Variants in DERA observed in about 807,000 individuals in gnomAD.
DERA encodes the protein deoxyribose-phosphate aldolase, also known as 2-deoxy-D-ribose 5-phosphate aldolase.
A neutral mutation model predicts 41.1 loss-of-function variants in DERA; 15 were observed. The ratio of observed to expected loss-of-function variants is 0.37; its 90% CI spans 0.24 to 0.56. The LOEUF (loss-of-function observed/expected upper bound fraction) is 0.56. Ranked by LOEUF, DERA falls within the 20% of genes least tolerant of loss-of-function variation. The probability of loss-of-function intolerance (pLI) is 0.81; values close to 1 mark genes in which losing one functional copy is unlikely to be tolerated. For synonymous variants in DERA, 139 were observed against 137.4 expected, an observed-to-expected ratio of 1.01 and a Z score of -0.08; for missense variants, 396 against 403.4, an observed-to-expected ratio of 0.98 and a Z score of 0.16.
At chr12:15,948,101 G>A (rs574152276) in intron 1 of DERA, among the ~76,000 whole-genome samples, 1 of 152,250 alleles carries the variant, frequency 6.6e-6, no homozygotes, top group East Asian at 1.9e-4. Flanking sequence ...TCCCTTTATG[G>A]GTAACCCAAC....
intron 6 of DERA, among the ~76,000 whole-genome samples, chr12:16,023,738 A>C (rs1354403096): frequency 1.3e-5 from 2 of 152,172 alleles, no homozygotes; most frequent in East Asian, 3.9e-4. Context: ...CGGCCTCCCA[A>C]AGTGCTGGGA....
chr12:15,919,325 C>T (rs1202262379), intron 1 of DERA, among the ~76,000 whole-genome samples: 3 of 151,814 alleles, frequency 2.0e-5, no homozygotes, highest in South Asian at 4.2e-4. Context: ...AGAAAAACTT[C>T]AAGCACTTAT....
At position 15,981,143 on chromosome 12, in the gene DERA, T is replaced by C. The variant is rs1948730075; in HGVS notation, c.509-1165T>C. ...GCAGGCGGATTACCAGATCAGGAGA[T>C]CGAGACCATCCTGGTTAACACGGTG... is the stretch of plus-strand genomic sequence containing the variant. On this transcript the variant is annotated intron_variant, in intron 5 of 8. Transcript: ENST00000428559. This position sits in a 1 kb window ranked among gnomAD's most constrained non-coding sequence, Gnocchi z 6.1. Among the ~76,000 whole-genome samples, 1 of 152,058 alleles carries C rather than the reference T, an allele frequency of 6.6e-6. No individual in the cohort carries two copies. Among genetic ancestry groups the C allele is most frequent in the African/African-American group, 2.4e-5 (1 of 41,406 alleles).
At position 16,036,320 on chromosome 12, in the gene DERA, G is replaced by A; in HGVS notation, c.839G>A (p.Trp280Ter). Reference protein sequence around the residue: ...SLVKEELGDEWLKPELFRIGA... With the variant: ...SLVKEELGDE ...GTAAAGGAGGAGCTTGGAGATGAGT[G>A]GCTGAAGCCAGAACTCTTTCGAATA... Residue 280 changes from tryptophan to a stop codon, truncating the protein, a stop_gained, in exon 8 of 9, where the codon TGG becomes TAG. Coordinates refer to ENST00000428559, the MANE Select transcript of DERA (RefSeq NM_015954.4). LOFTEE classifies it high-confidence loss of function. This position sits in a 1 kb window ranked among gnomAD's most constrained non-coding sequence, Gnocchi z 4.9. 1 of 1,612,876 alleles carries A rather than the reference G, an allele frequency of 6.2e-7. No individual in the cohort carries two copies. Among genetic ancestry groups the A allele is most frequent in the South Asian group, 1.1e-5 (1 of 90,950 alleles).
chr12:15,961,846 C>T (rs1459315258), intron 4 of DERA, among the ~76,000 whole-genome samples: 1 of 152,170 alleles, frequency 6.6e-6, no homozygotes, highest in African/African-American at 2.4e-5. Flanking sequence ...TGAGTTCAAG[C>T]AGTTCTCCTG....
In DERA at chr12:15,924,784, C is replaced by G. The variant is rs1948270028; in HGVS notation, c.31+13370C>G. 6.6e-6 allele frequency among the ~76,000 whole-genome samples: 1 copy of G among 152,178 alleles called. No individual in the cohort carries two copies. The highest frequency in any genetic ancestry group is 1.5e-5 in the Non-Finnish European group (1 of 68,036). On this transcript the variant is annotated intron_variant, in intron 1 of 8. Coordinates refer to ENST00000428559, the MANE Select transcript of DERA (RefSeq NM_015954.4). This position sits in a 1 kb window ranked among gnomAD's most constrained non-coding sequence, Gnocchi z 5.0. ...CCTCCTCCCTGAAGGCTTACTTGGT[C>G]TCCTCTGCTAGACTTTTCAACACTG...
In DERA at chr12:16,001,815, C is replaced by T. The variant is rs973688256; in HGVS notation, c.637+19379C>T. ...AGTCAGAAGTGGCAGGCACACTAGA[C>T]GAAGCAGCATTTTGCTGGAGACTTT... On this transcript the variant is annotated intron_variant, in intron 6 of 8. Transcript: ENST00000428559. This position sits in a 1 kb window ranked among gnomAD's most constrained non-coding sequence, Gnocchi z 4.1. 2.6e-5 allele frequency among the ~76,000 whole-genome samples: 4 copies of T among 152,112 alleles called. No homozygotes were observed. Among genetic ancestry groups the T allele is most frequent in the African/African-American group, 7.2e-5 (3 of 41,406 alleles).
chr12:15,980,630 T>C (rs1948726459), intron 5 of DERA, among the ~76,000 whole-genome samples: 1 of 152,124 alleles, frequency 6.6e-6, no homozygotes, highest in Non-Finnish European at 1.5e-5. Flanking sequence ...TTCTCCCAGG[T>C]TAGGTAGATG....
Position 15,965,853 on chromosome 12 carries a change from T to C in DERA, c.508+2906T>C, listed in dbSNP as rs142454694. ...CTTCCTTTGCTCCTTCCTCCTAAAT[T>C]CCTTCCCTCGACTGTGCTGTGGCTC... On this transcript the variant is annotated intron_variant, in intron 5 of 8. Transcript: ENST00000428559. The surrounding 1 kb of genome is among the most constrained non-coding windows in gnomAD (Gnocchi z 4.1). 1.1e-4 allele frequency among the ~76,000 whole-genome samples: 17 copies of C among 152,172 alleles called. No individual in the cohort carries two copies. The highest frequency in any genetic ancestry group is 5.8e-4 in the East Asian group (3 of 5,176).
In DERA at chr12:15,982,065, A is replaced by G. The variant is rs147608494; in HGVS notation, c.509-243A>G. On this transcript the variant is annotated intron_variant, in intron 5 of 8. Transcript: ENST00000428559. This position sits in a 1 kb window ranked among gnomAD's most constrained non-coding sequence, Gnocchi z 4.0. The stretch of plus-strand genomic sequence containing the variant: ...GTCATTATGATATTTAAAAAGCTCT[A>G]TGTCTCTGGACCTCAGGCCAGGGCT... 2.6e-3 allele frequency among the ~76,000 whole-genome samples: 399 copies of G among 152,316 alleles called. 4 individuals carry two copies. The highest frequency in any genetic ancestry group is 9.2e-3 in the African/African-American group (382 of 41,572).
intron 1 of DERA, among the ~76,000 whole-genome samples, chr12:15,912,393 A>C (rs573742284): frequency 6.6e-5 from 10 of 152,324 alleles, no homozygotes; most frequent in African/African-American, 2.4e-4. Flanking sequence ...AGATTTCTTA[A>C]CATGTGAAAA....
rs1238004457 is a variant in DERA at position 15,913,204 on chromosome 12, GAA to G, written c.31+1793_31+1794del. Among the ~76,000 whole-genome samples, 1 of 152,114 alleles carries G rather than the reference GAA, an allele frequency of 6.6e-6. No individual in the cohort carries two copies. Among genetic ancestry groups the G allele is most frequent in the Non-Finnish European group, 1.5e-5 (1 of 68,004 alleles). On this transcript the variant is annotated intron_variant, in intron 1 of 8. Coordinates refer to ENST00000428559, the MANE Select transcript of DERA (RefSeq NM_015954.4). This position sits in a 1 kb window ranked among gnomAD's most constrained non-coding sequence, Gnocchi z 4.5. The stretch of plus-strand genomic sequence containing the variant: ...AATCAATCACTTCCATTCATTTGTT[GAA>G]AAGTAATAGACATAAATAATTGCCA...
intron 5 of DERA, among the ~76,000 whole-genome samples, chr12:15,977,216 G>C (rs1403091277): frequency 1.3e-5 from 2 of 152,068 alleles, no homozygotes; most frequent in Non-Finnish European, 2.9e-5. Flanking sequence ...ATCCTTCTAC[G>C]TTCTGAGTTT....
At chr12:15,946,674 C>T (rs1324357011) in intron 1 of DERA, among the ~76,000 whole-genome samples, 1 of 151,962 alleles carries the variant, frequency 6.6e-6, no homozygotes, top group Non-Finnish European at 1.5e-5. Context: ...TTCAAAAAAC[C>T]AGCTCCTGGA....
rs764119755 is a variant in DERA at position 16,036,674 on chromosome 12, C to A, written c.901-16C>A. 1 of 1,583,920 alleles carries A rather than the reference C, an allele frequency of 6.3e-7. No homozygotes were observed. The highest frequency in any genetic ancestry group is 8.6e-7 in the Non-Finnish European group (1 of 1,158,168). On this transcript the variant is annotated splice_polypyrimidine_tract_variant and intron_variant, in intron 8 of 8. Coordinates refer to ENST00000428559, the MANE Select transcript of DERA (RefSeq NM_015954.4). The surrounding 1 kb of genome is among the most constrained non-coding windows in gnomAD (Gnocchi z 4.9). The stretch of plus-strand genomic sequence containing the variant: ...TTATAGAATGATTGTTAATTAAACT[C>A]TGCTTTTCCTCACAGATTTACCATC...
rs1323188427 is a variant in DERA at position 15,958,283 on chromosome 12, C to T, written c.225C>T (p.Ala75=). ...SSNIQRLCYK[A]KYPIREDLLK... ...ACATTCAAAGGCTCTGTTATAAAGC[C>T]AAATACCCAATCCGGGAAGATCTCT... Residue 75 remains alanine (A), a synonymous_variant, in exon 3 of 9, where the codon GCC becomes GCT. Coordinates refer to ENST00000428559, the MANE Select transcript of DERA (RefSeq NM_015954.4). The T allele has an allele frequency of 6.2e-7, 1 of 1,602,130 alleles. No homozygotes were observed. Among genetic ancestry groups the T allele is most frequent in the African/African-American group, 1.3e-5 (1 of 74,898 alleles).
chr12:15,917,688 C>T (rs7965551), intron 1 of DERA, among the ~76,000 whole-genome samples: 157 of 152,284 alleles, frequency 1.0e-3, no homozygotes, highest in African/African-American at 3.6e-3. Context: ...CCAACGGTCC[C>T]GGACCTTTTT....
At chr12:16,028,562 A>G (rs538175360) in intron 6 of DERA, among the ~76,000 whole-genome samples, 2 of 152,312 alleles carry the variant, frequency 1.3e-5, no homozygotes, top group South Asian at 2.1e-4. Flanking sequence ...TTCAAAGAGT[A>G]CAGTATGAAA....
At position 16,018,311 on chromosome 12, in the gene DERA, G is replaced by T. The variant is rs184242987; in HGVS notation, c.638-14231G>T. Among the ~76,000 whole-genome samples the T allele has an allele frequency of 9.9e-5, 15 of 152,114 alleles. No individual in the cohort carries two copies. In the East Asian group the frequency reaches 2.7e-3, roughly 27 times the overall value. On this transcript the variant is annotated intron_variant, in intron 6 of 8. Coordinates refer to ENST00000428559, the MANE Select transcript of DERA (RefSeq NM_015954.4). ...ATTTTCCTCTCTTTGCAGTCTCTGA[G>T]GTTCGCAAATGAATAGAGCTTCATT...
Sources: allele counts gnomAD v4.1 joint callset (sites outside exome capture counted in the v4.1 genomes callset), GRCh38; gene constraint gnomAD v4.1.1; non-coding constraint Gnocchi (gnomAD v3.1); transcripts MANE v1.5; gene names NCBI Gene and HGNC (gene_info 2026-07-23, HGNC 2026-07-21).